Variants in TUSC3 observed in about 807,000 individuals in gnomAD.
TUSC3 encodes the protein tumor suppressor candidate 3, also known as dolichyl-diphosphooligosaccharide--protein glycosyltransferase subunit TUSC3.
Under a neutral mutation model 44.8 loss-of-function variants are expected in TUSC3, and 45 were observed. That is an observed-to-expected ratio of 1.00 (90% CI 0.79 to 1.29). The LOEUF (loss-of-function observed/expected upper bound fraction) is 1.29. Among genes scored for constraint, TUSC3 ranks in the 50% most tolerant of loss-of-function variants. TUSC3 has a pLI of 0.00. For missense variants in TUSC3, 519 were observed against 437.9 expected, an observed-to-expected ratio of 1.19 and a Z score of -1.65; for synonymous variants, 212 against 152.9, an observed-to-expected ratio of 1.39 and a Z score of -2.85.
chr8:15,539,839 T>A (rs1173686971), upstream of TUSC3, among the ~76,000 whole-genome samples: 1 of 151,978 alleles, frequency 6.6e-6, no homozygotes, highest in Non-Finnish European at 1.5e-5. Context: ...GTTGTGAAGT[T>A]GTGGGGCGGC....
At chr8:15,693,174 T>C (rs984405249) in intron 6 of TUSC3, among the ~76,000 whole-genome samples, 2 of 152,230 alleles carry the variant, frequency 1.3e-5, no homozygotes, top group Non-Finnish European at 2.9e-5. Context: ...GATACTGATA[T>C]GTATGGATTT....
At chr8:15,418,247 T>C (rs957133260) in intron 1 of TUSC3, among the ~76,000 whole-genome samples, 2 of 152,182 alleles carry the variant, frequency 1.3e-5, no homozygotes, top group Non-Finnish European at 2.9e-5. Context: ...ATGCACAGTT[T>C]ATCTGCCCTG....
chr8:15,517,182 T>G (rs1490750678), intron 2 of TUSC3, among the ~76,000 whole-genome samples: 1 of 152,120 alleles, frequency 6.6e-6, no homozygotes, highest in East Asian at 1.9e-4. Flanking sequence ...TACACCAATT[T>G]GCCATAATTT....
chr8:15,552,651 G>T (rs1261292171), intron 1 of TUSC3, among the ~76,000 whole-genome samples: 1 of 151,600 alleles, frequency 6.6e-6, no homozygotes, highest in Admixed American at 6.6e-5. Flanking sequence ...TACACAGGGT[G>T]GGGGAATAGT....
chr8:15,820,408 TTCAAGCGA>T, the TUSC3 span, among the ~76,000 whole-genome samples: 20 of 150,884 alleles, frequency 1.3e-4, no homozygotes, highest in African/African-American at 4.2e-4. Context: ...ACTTACCAGG[TTCAAGCGA>T]TCAAGCGATT....
intron 1 of TUSC3, among the ~76,000 whole-genome samples, chr8:15,436,388 C>T (rs963804220): frequency 7.9e-5 from 12 of 152,134 alleles, no homozygotes; most frequent in Non-Finnish European, 1.3e-4. Flanking sequence ...ATGTAACCTG[C>T]CATAGTTCTA....
intron 6 of TUSC3, among the ~76,000 whole-genome samples, chr8:15,726,929 T>G (rs1810518603): frequency 6.6e-6 from 1 of 152,230 alleles, no homozygotes; most frequent in African/African-American, 2.4e-5. Flanking sequence ...TATCAAAGCC[T>G]GCACACATTT....
chr8:15,673,942 C>T, intron 6 of TUSC3, 106 bp downstream of exon 6: 1 of 937,232 alleles, frequency 1.1e-6, no homozygotes, highest in Non-Finnish European at 1.7e-6. Flanking sequence ...GTTTGTCAGT[C>T]AAAATATATA....
At chr8:15,599,165 A>G (rs1186785746) in intron 1 of TUSC3, among the ~76,000 whole-genome samples, 1 of 151,764 alleles carries the variant, frequency 6.6e-6, no homozygotes, top group Non-Finnish European at 1.5e-5. Context: ...CTTAATTTGC[A>G]TTTCCCGATG....
intron 1 of TUSC3, among the ~76,000 whole-genome samples, chr8:15,473,726 C>A (rs1585057840): frequency 6.6e-6 from 1 of 152,110 alleles, no homozygotes. Flanking sequence ...GGGAGTGGGT[C>A]ACAAGATCAC....
intron 1 of TUSC3, among the ~76,000 whole-genome samples, chr8:15,436,261 G>C (rs1251146299): frequency 1.3e-5 from 2 of 152,158 alleles, no homozygotes; most frequent in Non-Finnish European, 2.9e-5. Flanking sequence ...CCTGGTATTG[G>C]TTTTGACGGT....
At chr8:15,437,217 G>A (rs1428330858) in intron 1 of TUSC3, among the ~76,000 whole-genome samples, 7 of 152,112 alleles carry the variant, frequency 4.6e-5, no homozygotes. Context: ...AAGAATAGGA[G>A]ATAATTGCAA....
chr8:15,659,220 T>A (rs1181487694), intron 3 of TUSC3, among the ~76,000 whole-genome samples: 2 of 152,038 alleles, frequency 1.3e-5, no homozygotes, highest in East Asian at 3.9e-4. Flanking sequence ...AATTATAGAA[T>A]TCAAGAAAGA....
At chr8:15,552,156 G>A (rs576388215) in intron 1 of TUSC3, among the ~76,000 whole-genome samples, 19 of 151,768 alleles carry the variant, frequency 1.3e-4, no homozygotes, top group East Asian at 7.8e-4. Flanking sequence ...ATGATTTTAC[G>A]TAGAAATACT....
chr8:15,756,065 G>A (rs534123830), intron 9 of TUSC3, among the ~76,000 whole-genome samples: 1 of 152,246 alleles, frequency 6.6e-6, no homozygotes, highest in South Asian at 2.1e-4. Context: ...CTGTCTTAGG[G>A]AGGTCGTATG....
chr8:15,537,424 G>A (rs911886811), upstream of TUSC3, among the ~76,000 whole-genome samples: 3 of 152,048 alleles, frequency 2.0e-5, no homozygotes, highest in Non-Finnish European at 4.4e-5. Context: ...GCTGCACCCC[G>A]ACCACCTCGG....
chr8:15,577,640 TTC>T (rs1447364258), intron 1 of TUSC3, among the ~76,000 whole-genome samples: 1 of 147,742 alleles, frequency 6.8e-6, no homozygotes, highest in Non-Finnish European at 1.5e-5. Flanking sequence ...GCGGTGTTAT[TTC>T]TGAGGGCTCT....
chr8:15,759,907 GA>G (rs550843936), intron 10 of TUSC3, among the ~76,000 whole-genome samples: 12 of 152,200 alleles, frequency 7.9e-5, no homozygotes, highest in Non-Finnish European at 1.5e-4. Flanking sequence ...ACACAAGATG[GA>G]AATCTTGAAG....
intron 9 of TUSC3, among the ~76,000 whole-genome samples, chr8:15,752,378 AAAATACATTAATTAGACAG>A (rs1811744709): frequency 6.7e-6 from 1 of 148,592 alleles, no homozygotes; most frequent in African/African-American, 2.5e-5. Flanking sequence ...TTTCTGGTTT[AAAATACATTAATTAGACAG>A]AAAGAAATAT....
Sources: gnomAD v4.1 joint callset for allele counts (sites outside exome capture counted in the v4.1 genomes callset) on GRCh38, gnomAD v4.1.1 for gene constraint, MANE v1.5 for transcripts, NCBI Gene and HGNC (gene_info 2026-07-23, HGNC 2026-07-21) for gene names.